The following EXOC4 variants were observed in gnomAD, a reference collection of about 807,000 sequenced individuals.
EXOC4 encodes exocyst complex component 4, also known as SEC8-like 1.
In EXOC4, 71 loss-of-function variants were observed where a neutral mutation model predicts 107.2. The ratio of observed to expected loss-of-function variants is 0.66; its 90% CI spans 0.55 to 0.81. EXOC4 has a LOEUF of 0.81. Ranked by LOEUF, EXOC4 falls within the 30% of genes least tolerant of loss-of-function variation. The pLI is 0.00. For synonymous variants in EXOC4, 456 were observed against 441.2 expected (o/e 1.03, Z -0.42); for missense variants, 1,108 against 1,189.6 (o/e 0.93, Z 1.01).
At chr7:133,823,180 G>C (rs1455052175) in intron 11 of EXOC4, among the ~76,000 whole-genome samples, 1 of 152,154 alleles carries the variant, frequency 6.6e-6, no homozygotes, top group Non-Finnish European at 1.5e-5. Flanking sequence ...TTTCCTCTCT[G>C]CCCCAGTATT....
chr7:133,439,813 G>C (rs1273368467), intron 7 of EXOC4, among the ~76,000 whole-genome samples: 1 of 152,064 alleles, frequency 6.6e-6, no homozygotes, highest in African/African-American at 2.4e-5. Context: ...CCCTTCCCAT[G>C]TTTTCCCTGG....
chr7:133,290,534 C>T (rs1178948750), intron 3 of EXOC4, among the ~76,000 whole-genome samples: 3 of 152,160 alleles, frequency 2.0e-5, no homozygotes, highest in Non-Finnish European at 2.9e-5. Context: ...ATTTGTGTAG[C>T]AAATATACAT....
intron 12 of EXOC4, among the ~76,000 whole-genome samples, chr7:133,913,174 C>T (rs547041520): frequency 1.3e-5 from 2 of 152,244 alleles, no homozygotes; most frequent in Non-Finnish European, 2.9e-5. Flanking sequence ...TGTGTTCAAC[C>T]AGCATGGGCA....
chr7:133,712,648 A>G (rs1298762828), intron 10 of EXOC4, among the ~76,000 whole-genome samples: 1 of 152,170 alleles, frequency 6.6e-6, no homozygotes, highest in East Asian at 1.9e-4. Flanking sequence ...ACAAGTACAT[A>G]TACACACACA....
At chr7:134,090,838 G>A in the EXOC4 span, among the ~76,000 whole-genome samples, 219 of 152,140 alleles carry the variant, frequency 1.4e-3, 2 homozygotes, top group Non-Finnish European at 2.6e-3. Flanking sequence ...ATAGCAGTTA[G>A]CATCCCATAG....
At chr7:133,770,030 T>C (rs1796213773) in intron 10 of EXOC4, among the ~76,000 whole-genome samples, 2 of 151,902 alleles carry the variant, frequency 1.3e-5, no homozygotes, top group Non-Finnish European at 2.9e-5. Context: ...ATTGCTTCAA[T>C]AAACTTGCCA....
At chr7:133,253,228 C>T (rs764709116) in intron 1 of EXOC4, 41 bp downstream of exon 1, 2 of 1,594,824 alleles carry the variant, frequency 1.3e-6, no homozygotes, top group Non-Finnish European at 8.6e-7. Context: ...CTGGGGGCAG[C>T]GGCTCGACCT....
chr7:133,261,426 C>T (rs1424936622), intron 1 of EXOC4, among the ~76,000 whole-genome samples: 1 of 151,936 alleles, frequency 6.6e-6, no homozygotes, highest in Non-Finnish European at 1.5e-5. Flanking sequence ...GCCACTGCGC[C>T]CGGCTAATTT....
At chr7:133,947,063 A>G (rs1800568605) in intron 14 of EXOC4, among the ~76,000 whole-genome samples, 2 of 152,226 alleles carry the variant, frequency 1.3e-5, no homozygotes, top group Non-Finnish European at 2.9e-5. Flanking sequence ...AAGTTAGGGT[A>G]TAACCAGGGG....
intron 9 of EXOC4, among the ~76,000 whole-genome samples, chr7:133,582,212 G>A (rs1211537091): frequency 6.6e-6 from 1 of 152,120 alleles, no homozygotes; most frequent in Non-Finnish European, 1.5e-5. Context: ...CCACTGATAA[G>A]CAAGAACATA....
chr7:133,874,026 G>T (rs747952967), intron 11 of EXOC4, among the ~76,000 whole-genome samples: 1 of 152,126 alleles, frequency 6.6e-6, no homozygotes, highest in African/African-American at 2.4e-5. Context: ...GACAAATTAT[G>T]TGCTTTGATA....
chr7:134,030,083 G>A (rs1795235464), intron 17 of EXOC4, among the ~76,000 whole-genome samples: 1 of 152,120 alleles, frequency 6.6e-6, no homozygotes, highest in Non-Finnish European at 1.5e-5. Flanking sequence ...GAGCTACAAA[G>A]ATAAAAATAT....
intron 10 of EXOC4, among the ~76,000 whole-genome samples, chr7:133,724,786 A>G (rs1795181670): frequency 6.6e-6 from 1 of 152,224 alleles, no homozygotes; most frequent in Non-Finnish European, 1.5e-5. Context: ...TGTTCTAGCA[A>G]GAGGGAACAG....
At chr7:133,698,214 G>C (rs985811131) in intron 10 of EXOC4, among the ~76,000 whole-genome samples, 1 of 152,028 alleles carries the variant, frequency 6.6e-6, no homozygotes, top group Non-Finnish European at 1.5e-5. Flanking sequence ...GGCGGGGGTG[G>C]TGGTGGGGGA....
At chr7:133,823,825 CATATATATATATATATATTATAT>C (rs1171381831) in intron 11 of EXOC4, among the ~76,000 whole-genome samples, 25 of 46,910 alleles carry the variant, frequency 5.3e-4, no homozygotes, top group African/African-American at 2.2e-3. Flanking sequence ...AAAATACATA[CATATATATATATATATATTATAT>C]ATATATATAT....
chr7:133,666,804 A>AT (rs1793824325), intron 10 of EXOC4, among the ~76,000 whole-genome samples: 1 of 152,240 alleles, frequency 6.6e-6, no homozygotes, highest in Admixed American at 6.5e-5. Flanking sequence ...ACCCAGTAGT[A>AT]TACAATCAAG....
intron 7 of EXOC4, among the ~76,000 whole-genome samples, chr7:133,444,937 C>T (rs2150797978): frequency 6.6e-6 from 1 of 152,196 alleles, no homozygotes; most frequent in Non-Finnish European, 1.5e-5. Context: ...TCTTTTTAAT[C>T]ATGTATATTT....
chr7:133,903,446 G>A (rs1349056658), intron 12 of EXOC4, among the ~76,000 whole-genome samples: 1 of 152,206 alleles, frequency 6.6e-6, no homozygotes, highest in East Asian at 1.9e-4. Context: ...AACTCTGAAT[G>A]TATTTGAAGG....
At chr7:134,073,075 G>A in the EXOC4 span, among the ~76,000 whole-genome samples, 2 of 151,424 alleles carry the variant, frequency 1.3e-5, no homozygotes, top group African/African-American at 2.4e-5. Context: ...GCATAGTGGC[G>A]GGTGCTTATA....
Sources: gnomAD v4.1 joint callset for allele counts (sites outside exome capture counted in the v4.1 genomes callset) on GRCh38, gnomAD v4.1.1 for gene constraint, MANE v1.5 for transcripts, NCBI Gene and HGNC (gene_info 2026-07-23, HGNC 2026-07-21) for gene names.